Variants in GAD1 observed in about 807,000 individuals in gnomAD.
GAD1 encodes 67 kDa glutamic acid decarboxylase.
GAD1 carries 35 observed loss-of-function variants against 75.2 expected under a neutral mutation model. The observed-to-expected ratio is 0.47, with a 90% confidence interval of 0.36 to 0.62. The LOEUF is 0.62. Among genes scored for constraint, GAD1 ranks in the 20% least tolerant of loss-of-function variants. The pLI is 0.00. For synonymous variants in GAD1, 257 were observed against 271.9 expected (o/e 0.95, Z 0.54); for missense variants, 490 against 758.5 (o/e 0.65, Z 4.16).
chr2:170,819,986 C>G (rs1188561329), intron 2 of GAD1, among the ~76,000 whole-genome samples: 3 of 152,196 alleles, frequency 2.0e-5, no homozygotes, highest in East Asian at 1.9e-4. Context: ...CAATTACCCA[C>G]ACAACAAAGA....
chr2:170,845,432 C>G, intron 7 of GAD1, 74 bp from the exon 8 acceptor site: 3 of 1,268,142 alleles, frequency 2.4e-6, no homozygotes, highest in Non-Finnish European at 3.5e-6. Flanking sequence ...TCTTGAGACA[C>G]CAGCTCAGCG....
At chr2:170,822,805 C>T (rs1197372503) in intron 3 of GAD1, among the ~76,000 whole-genome samples, 1 of 152,036 alleles carries the variant, frequency 6.6e-6, no homozygotes, top group Non-Finnish European at 1.5e-5. Flanking sequence ...GAGGGAGGCA[C>T]GAGGGTTTGC....
rs1701766194 is a variant in GAD1 at position 170,818,296 on chromosome 2, G to T, written c.-63-233G>T. ...GTCGCGCCGATGCACCGCCAGACTC[G>T]AGAGCGGCCCAGGGCTACGCTCCCT... On this transcript the variant is annotated intron_variant, in intron 1 of 16. Transcript: ENST00000358196. The surrounding 1 kb of genome is among the most constrained non-coding windows in gnomAD (Gnocchi z 5.9). 3.6e-6 allele frequency: 1 copy of T among 277,330 alleles called. No homozygotes were observed. The highest frequency in any genetic ancestry group is 2.3e-5 in the African/African-American group (1 of 42,886). 17.2% of individuals were successfully genotyped at this position (277,330 alleles called of 1,614,324 possible).
rs45462094 is a variant in GAD1 at position 170,829,818 on chromosome 2, T to G, written c.304+185T>G. 7.8e-3 allele frequency: 5,051 copies of G among 649,540 alleles called. 186 individuals carry two copies. In the African/African-American group the frequency reaches 0.083, roughly 11 times the overall value. 40.2% of individuals were successfully genotyped at this position (649,540 alleles called of 1,614,324 possible). On this transcript the variant is annotated intron_variant, in intron 4 of 16. Transcript: ENST00000358196. ...TCCCTCCCTCCCTGCTGGCCAGGTC[T>G]CCATCATTTTGGAAACTGGATGAAG... is the stretch of plus-strand genomic sequence containing the variant.
intron 14 of GAD1, among the ~76,000 whole-genome samples, chr2:170,855,804 C>T (rs529494976): frequency 7.5e-5 from 10 of 133,998 alleles, no homozygotes; most frequent in East Asian, 6.9e-4. Context: ...GCCCAGGAGG[C>T]GGAGGTTGCA....
chr2:170,829,608 T>A lies in GAD1; in HGVS notation c.279T>A (p.Thr93=), dbSNP rs769521785. 1 of 1,613,602 alleles carries A rather than the reference T, an allele frequency of 6.2e-7. No individual in the cohort carries two copies. The highest frequency in any genetic ancestry group is 8.5e-7 in the Non-Finnish European group (1 of 1,180,028). ...ATGCCCGCTTCCGGCGCACAGAGAC[T>A]GACTTCTCTAATCTGTTTGCTAGAG... is the stretch of plus-strand genomic sequence containing the variant. ...DRDARFRRTE[T]DFSNLFARDL... is the part of the protein sequence containing the mutation. The change falls in exon 4 of 17, where the codon ACT becomes ACA. Residue 93 remains threonine, a synonymous_variant. Coordinates refer to ENST00000358196, the MANE Select transcript of GAD1 (RefSeq NM_000817.3).
intron 6 of GAD1, among the ~76,000 whole-genome samples, chr2:170,837,345 T>C (rs1161487549): frequency 1.3e-5 from 2 of 152,268 alleles, no homozygotes; most frequent in African/African-American, 4.8e-5. Context: ...ATTCAGCCGA[T>C]ACTGATACAG....
chr2:170,855,872 C>CAAA (rs71008727), intron 14 of GAD1, among the ~76,000 whole-genome samples: 246 of 111,510 alleles, frequency 2.2e-3, no homozygotes, highest in Middle Eastern at 4.7e-3. Flanking sequence ...GACTCCATCT[C>CAAA]AAAAAAAAAA....
chr2:170,832,325 T>A (rs1460060823), intron 5 of GAD1, among the ~76,000 whole-genome samples: 1 of 152,158 alleles, frequency 6.6e-6, no homozygotes, highest in Non-Finnish European at 1.5e-5. Flanking sequence ...TTGTGGATAT[T>A]CCTTGGCATT....
At chr2:170,856,996 A>G (rs1262337637) in intron 14 of GAD1, 22 bp from the exon 15 acceptor site, 1 of 1,598,430 alleles carries the variant, frequency 6.3e-7, no homozygotes, top group Non-Finnish European at 8.6e-7. Context: ...AACCACAAAC[A>G]TGACTTTTCT....
At chr2:170,845,122 G>C (rs1212769602) in intron 7 of GAD1, among the ~76,000 whole-genome samples, 1 of 152,156 alleles carries the variant, frequency 6.6e-6, no homozygotes, top group Non-Finnish European at 1.5e-5. Flanking sequence ...TCTGAACTCA[G>C]GGAACAGATT....
Position 170,831,200 on chromosome 2 carries a change from G to A in GAD1, c.547+8G>A. The A allele has an allele frequency of 6.2e-7, 1 of 1,614,072 alleles. No individual in the cohort carries two copies. On this transcript the variant is annotated splice_region_variant and intron_variant, in intron 5 of 16. Coordinates refer to ENST00000358196, the MANE Select transcript of GAD1 (RefSeq NM_000817.3). ...AGTATGGGGTTCGCACAGGTAAGGAGGAGAGTTGGGTAGACAGGTAGTGGC... is the reference window on the plus strand; with the variant it reads ...AGTATGGGGTTCGCACAGGTAAGGAAGAGAGTTGGGTAGACAGGTAGTGGC...
chr2:170,818,908 T>C lies in GAD1; in HGVS notation c.82+235T>C, dbSNP rs1330385002. Reference sequence around the variant, plus strand: ...CGCAAGGTCCGAGCAGCGGCGATCGTTGAGGGCTTCGCGGAGGAGGAGGGG... The same window carrying C: ...CGCAAGGTCCGAGCAGCGGCGATCGCTGAGGGCTTCGCGGAGGAGGAGGGG... On this transcript the variant is annotated intron_variant, in intron 2 of 16. Transcript: ENST00000358196. The surrounding 1 kb of genome is among the most constrained non-coding windows in gnomAD (Gnocchi z 5.9). Among the ~76,000 whole-genome samples the C allele has an allele frequency of 6.6e-6, 1 of 152,100 alleles. No homozygotes were observed. Among genetic ancestry groups the C allele is most frequent in the Non-Finnish European group, 1.5e-5 (1 of 68,018 alleles).
Position 170,831,088 on chromosome 2 carries a change from T to C in GAD1, c.443T>C (p.Leu148Pro), listed in dbSNP as rs1217235033. Residue 148 changes from leucine to proline, a missense_variant, in exon 5 of 17, where the codon CTG (leucine) becomes CCG (proline). By Grantham distance (98) the Leu-to-Pro change is moderately conservative. Coordinates refer to ENST00000358196, the MANE Select transcript of GAD1 (RefSeq NM_000817.3). ...VLDFHHPHQL[L>P]EGMEGFNLEL... is the part of the protein sequence containing the mutation. ...GACTTTCATCACCCACACCAGTTGCTGGAAGGCATGGAGGGCTTCAACTTG... is the reference window on the plus strand; with the variant it reads ...GACTTTCATCACCCACACCAGTTGCCGGAAGGCATGGAGGGCTTCAACTTG... The C allele has an allele frequency of 6.8e-6, 11 of 1,614,094 alleles. No individual in the cohort carries two copies. The highest frequency in any genetic ancestry group is 5.3e-5 in the African/African-American group (4 of 74,942).
intron 4 of GAD1, 91 bp downstream of exon 4, chr2:170,829,724 A>T (rs1702172729): frequency 7.2e-7 from 1 of 1,389,668 alleles, no homozygotes; most frequent in Admixed American, 1.8e-5. Flanking sequence ...TTCTTTTATC[A>T]AGAAATGTCA....
chr2:170,834,585 A>G (rs1467919457), intron 5 of GAD1, among the ~76,000 whole-genome samples: 1 of 152,196 alleles, frequency 6.6e-6, no homozygotes, highest in Non-Finnish European at 1.5e-5. Flanking sequence ...GTTCTTTTTA[A>G]AACTTTTTCT....
chr2:170,828,033 T>C (rs1702065091), intron 3 of GAD1, among the ~76,000 whole-genome samples: 1 of 151,590 alleles, frequency 6.6e-6, no homozygotes, highest in Non-Finnish European at 1.5e-5. Flanking sequence ...TCACTACTTC[T>C]CCTTCTGCCA....
rs555887885 is a variant in GAD1, at chr2:170,839,087, C to T, written c.638+2204C>T. ...TGCTCCCTTGTGACAATTCCTTCTCCAGTCGGGAACAGTGTTCAAAATAAG... is the reference window on the plus strand; with the variant it reads ...TGCTCCCTTGTGACAATTCCTTCTCTAGTCGGGAACAGTGTTCAAAATAAG... On this transcript the variant is annotated intron_variant, in intron 6 of 16. Coordinates refer to ENST00000358196, the MANE Select transcript of GAD1 (RefSeq NM_000817.3). Among the ~76,000 whole-genome samples the T allele has an allele frequency of 2.0e-5, 3 of 152,284 alleles. No individual in the cohort carries two copies. The South Asian group carries it at 6.2e-4, about 32-fold the overall frequency.
chr2:170,822,655 C>A (rs545860055), intron 3 of GAD1, among the ~76,000 whole-genome samples: 2 of 152,280 alleles, frequency 1.3e-5, no homozygotes, highest in Admixed American at 1.3e-4. Context: ...CACCTCCACC[C>A]GCGCAGTCGG....
Sources: gnomAD v4.1 joint callset for allele counts (sites outside exome capture counted in the v4.1 genomes callset) on GRCh38, gnomAD v4.1.1 for gene constraint, Gnocchi (gnomAD v3.1) non-coding constraint, MANE v1.5 for transcripts, NCBI Gene and HGNC (gene_info 2026-07-23, HGNC 2026-07-21) for gene names.